Variants in GOLM2 observed in about 807,000 individuals in gnomAD.
The protein encoded by GOLM2 is protein GOLM2.
GOLM2 carries 26 observed loss-of-function variants against 55.9 expected under a neutral mutation model. That is an observed-to-expected ratio of 0.47 (90% CI 0.34 to 0.65). The LOEUF is 0.65. Ranked by LOEUF, GOLM2 falls within the 30% of genes least tolerant of loss-of-function variation. The probability of loss-of-function intolerance (pLI) is 0.01; values close to 1 mark genes in which losing one functional copy is unlikely to be tolerated. For synonymous variants in GOLM2, 165 were observed against 194.6 expected (o/e 0.85, Z 1.27); for missense variants, 486 against 531.8 (o/e 0.91, Z 0.85).
intron 1 of GOLM2, among the ~76,000 whole-genome samples, chr15:44,321,317 A>G (rs2078947146): frequency 6.6e-6 from 1 of 151,978 alleles, no homozygotes; most frequent in Non-Finnish European, 1.5e-5. Context: ...ACTAAAAATA[A>G]AAAAATTAAC....
At chr15:44,400,855 G>A (rs1464788940) in intron 8 of GOLM2, among the ~76,000 whole-genome samples, 2 of 151,886 alleles carry the variant, frequency 1.3e-5, no homozygotes, top group African/African-American at 2.4e-5. Flanking sequence ...GATTACGGGC[G>A]TGAGCCACCA....
chr15:44,314,941 A>C (rs1323343231), intron 1 of GOLM2, among the ~76,000 whole-genome samples: 1 of 152,238 alleles, frequency 6.6e-6, no homozygotes, highest in Non-Finnish European at 1.5e-5. Flanking sequence ...GACCTGGCAC[A>C]AAAATAATCA....
chr15:44,389,071 C>A (rs771035595), intron 8 of GOLM2, among the ~76,000 whole-genome samples: 18 of 152,166 alleles, frequency 1.2e-4, no homozygotes, highest in Non-Finnish European at 1.8e-4. Flanking sequence ...CCTGCCTCGG[C>A]CTCCCAAAAT....
intron 9 of GOLM2, among the ~76,000 whole-genome samples, chr15:44,410,732 C>CAA (rs35065961): frequency 3.1e-5 from 3 of 96,140 alleles, no homozygotes; most frequent in South Asian, 3.1e-4. Flanking sequence ...CCTGTCTCTA[C>CAA]AAAAAAAAAA....
chr15:44,338,051 G>GAAT, intron 5 of GOLM2, 144 bp downstream of exon 5: 1 of 1,010,006 alleles, frequency 9.9e-7, no homozygotes, highest in South Asian at 1.7e-5. Flanking sequence ...TTCAAATTTG[G>GAAT]ATTGTTTGAT....
chr15:44,382,105 T>G (rs2079407208), intron 8 of GOLM2: 1 of 152,204 alleles, frequency 6.6e-6, no homozygotes, highest in South Asian at 2.1e-4. Flanking sequence ...TTAAAGCATA[T>G]CTGTGTATCT....
At chr15:44,312,952 T>C (rs2078884154) in intron 1 of GOLM2, among the ~76,000 whole-genome samples, 1 of 151,716 alleles carries the variant, frequency 6.6e-6, no homozygotes. Flanking sequence ...GGTGGCGTGC[T>C]CCTGTAATCC....
At chr15:44,398,622 G>A (rs1184512103) in intron 8 of GOLM2, among the ~76,000 whole-genome samples, 6 of 147,762 alleles carry the variant, frequency 4.1e-5, no homozygotes, top group Non-Finnish European at 6.0e-5. Flanking sequence ...CTTTGTCATT[G>A]GATTTAAACA....
intron 7 of GOLM2, 143 bp downstream of exon 7, chr15:44,379,931 A>G (rs1595659037): frequency 2.0e-6 from 1 of 488,100 alleles, no homozygotes; most frequent in Non-Finnish European, 3.6e-6. Context: ...TTAGACTAGT[A>G]AAAGCAGAGA....
intron 9 of GOLM2, 192 bp downstream of exon 9, chr15:44,403,246 TC>T (rs2079577697): frequency 1.7e-6 from 1 of 573,710 alleles, no homozygotes; most frequent in Non-Finnish European, 3.1e-6. Flanking sequence ...CACCGCAACC[TC>T]CACCTCCCGG....
At chr15:44,312,092 A>G (rs189161393) in intron 1 of GOLM2, among the ~76,000 whole-genome samples, 6 of 152,210 alleles carry the variant, frequency 3.9e-5, no homozygotes, top group Admixed American at 3.9e-4. Flanking sequence ...CCTCTAATCT[A>G]TTACCTCTTC....
intron 8 of GOLM2, among the ~76,000 whole-genome samples, chr15:44,398,635 G>C (rs1057486851): frequency 9.1e-5 from 13 of 142,958 alleles, no homozygotes; most frequent in African/African-American, 2.8e-4. Flanking sequence ...TTTAAACAAT[G>C]AACACAAGTG....
intron 8 of GOLM2, among the ~76,000 whole-genome samples, chr15:44,384,066 A>G (rs953201852): frequency 1.3e-5 from 2 of 152,250 alleles, no homozygotes; most frequent in South Asian, 4.1e-4. Context: ...CTTATGCTTT[A>G]TCATGCAAAA....
intron 6 of GOLM2, among the ~76,000 whole-genome samples, chr15:44,359,790 G>A (rs994929783): frequency 7.9e-5 from 12 of 152,218 alleles, no homozygotes; most frequent in African/African-American, 2.9e-4. Context: ...AAATATTAAG[G>A]GCAGCCAGAG....
At chr15:44,358,846 C>T (rs761224298) in intron 6 of GOLM2, among the ~76,000 whole-genome samples, 2 of 152,118 alleles carry the variant, frequency 1.3e-5, no homozygotes, top group Non-Finnish European at 2.9e-5. Flanking sequence ...AATTGATGAG[C>T]TGGACTTCAT....
At chr15:44,402,598 G>C in intron 8 of GOLM2, 1 of 287,338 alleles carries the variant, frequency 3.5e-6, no homozygotes, top group South Asian at 5.5e-5. Flanking sequence ...TGGTTATTAG[G>C]AAAACATTCC....
At position 44,328,670 on chromosome 15, in the gene GOLM2, AC is replaced by A; in HGVS notation, c.383-13del. ...AGTGAACTTGATTCCTTTGGTTCTT[AC>A]CTTGGGTGGATAGAGCAACTTGCTG... is the stretch of plus-strand genomic sequence containing the variant. On this transcript the variant is annotated splice_polypyrimidine_tract_variant and intron_variant, in intron 2 of 9. Coordinates refer to ENST00000299957, the MANE Select transcript of GOLM2 (RefSeq NM_138423.4). The A allele has an allele frequency of 2.5e-6, 4 of 1,596,474 alleles. No individual in the cohort carries two copies. The highest frequency in any genetic ancestry group is 2.6e-6 in the Non-Finnish European group (3 of 1,168,046).
chr15:44,312,696 A>T (rs2078882320), intron 1 of GOLM2, among the ~76,000 whole-genome samples: 1 of 152,144 alleles, frequency 6.6e-6, no homozygotes, highest in Non-Finnish European at 1.5e-5. Context: ...CTATAATCCC[A>T]GCACTTTGGG....
intron 9 of GOLM2, among the ~76,000 whole-genome samples, chr15:44,403,419 C>T (rs1040892378): frequency 2.0e-5 from 3 of 152,152 alleles, no homozygotes; most frequent in African/African-American, 7.2e-5. Context: ...ACCTCAGGCT[C>T]CCAAAGTGCT....
Sources: gnomAD v4.1 joint callset for allele counts (sites outside exome capture counted in the v4.1 genomes callset) on GRCh38, gnomAD v4.1.1 for gene constraint, MANE v1.5 for transcripts, NCBI Gene and HGNC (gene_info 2026-07-23, HGNC 2026-07-21) for gene names.